The following MAGI3 variants were observed in gnomAD, a reference collection of about 807,000 sequenced individuals.
MAGI3 encodes the protein membrane-associated guanylate kinase, WW and PDZ domain-containing protein 3.
In MAGI3, 43 loss-of-function variants were observed where a neutral mutation model predicts 121.8. The ratio of observed to expected loss-of-function variants is 0.35; its 90% CI spans 0.28 to 0.46. The LOEUF (loss-of-function observed/expected upper bound fraction) is 0.46. Among genes scored for constraint, MAGI3 ranks in the 20% least tolerant of loss-of-function variants. The pLI, the probability that MAGI3 is intolerant of heterozygous loss-of-function variation, is 1.00. For synonymous variants in MAGI3, 553 were observed against 639.3 expected (o/e 0.86, Z 2.04); for missense variants, 1,547 against 1,797.3 (o/e 0.86, Z 2.52).
intron 20 of MAGI3, 84 bp downstream of exon 20, chr1:113,681,420 T>G: frequency 3.2e-5 from 45 of 1,390,120 alleles, no homozygotes; most frequent in South Asian, 4.2e-5. Flanking sequence ...TTGGAGAGGA[T>G]AGATATTTTA....
intron 1 of MAGI3, among the ~76,000 whole-genome samples, chr1:113,395,344 A>G (rs966056297): frequency 6.6e-6 from 1 of 151,628 alleles, no homozygotes; most frequent in Admixed American, 6.6e-5. Context: ...TTACATTTTG[A>G]TAAACCTTGA....
intron 19 of MAGI3, among the ~76,000 whole-genome samples, chr1:113,673,809 C>T (rs566718131): frequency 1.8e-4 from 28 of 152,226 alleles, no homozygotes; most frequent in African/African-American, 5.3e-4. Context: ...CTTGAGAAAG[C>T]GAGGATCAAA....
At chr1:113,452,781 G>A (rs1654549315) in intron 1 of MAGI3, among the ~76,000 whole-genome samples, 1 of 152,174 alleles carries the variant, frequency 6.6e-6, no homozygotes, top group Non-Finnish European at 1.5e-5. Flanking sequence ...GGAGATTAAA[G>A]TAGGATGAGG....
At chr1:113,435,293 A>G (rs1179040956) in intron 1 of MAGI3, among the ~76,000 whole-genome samples, 1 of 152,104 alleles carries the variant, frequency 6.6e-6, no homozygotes, top group Non-Finnish European at 1.5e-5. Flanking sequence ...TTCACCAAAG[A>G]TGATTATTTT....
chr1:113,634,261 T>C (rs1223905952), intron 9 of MAGI3, among the ~76,000 whole-genome samples: 1 of 151,488 alleles, frequency 6.6e-6, no homozygotes, highest in African/African-American at 2.4e-5. Flanking sequence ...TTTGTCAATT[T>C]TGGCTTTTGT....
intron 6 of MAGI3, among the ~76,000 whole-genome samples, chr1:113,595,475 G>A (rs1190439777): frequency 1.3e-5 from 2 of 152,048 alleles, no homozygotes; most frequent in East Asian, 3.9e-4. Flanking sequence ...AAAATAAGTG[G>A]CGTAAAATGA....
intron 4 of MAGI3, among the ~76,000 whole-genome samples, chr1:113,587,503 C>T (rs139835726): frequency 1.8e-4 from 28 of 152,178 alleles, no homozygotes; most frequent in Middle Eastern, 6.8e-3. Context: ...GCCTGTGTAT[C>T]GCTTTGGAAT....
At chr1:113,672,930 C>A (rs1390829844) in intron 18 of MAGI3, among the ~76,000 whole-genome samples, 189 bp downstream of exon 18, 1 of 152,156 alleles carries the variant, frequency 6.6e-6, no homozygotes, top group East Asian at 1.9e-4. Context: ...AAAAGTTTCC[C>A]CTACAGCAGG....
At chr1:113,418,914 C>T (rs1345755159) in intron 1 of MAGI3, among the ~76,000 whole-genome samples, 2 of 152,022 alleles carry the variant, frequency 1.3e-5, no homozygotes, top group African/African-American at 4.8e-5. Context: ...GTGAATTTTA[C>T]AGGAACAATA....
At chr1:113,679,869 C>A (rs914669555) in intron 19 of MAGI3, among the ~76,000 whole-genome samples, 1 of 152,072 alleles carries the variant, frequency 6.6e-6, no homozygotes, top group Non-Finnish European at 1.5e-5. Context: ...CCACACCTGG[C>A]CAATTTTGTA....
At chr1:113,449,403 C>T (rs577617726) in intron 1 of MAGI3, among the ~76,000 whole-genome samples, 1 of 138,336 alleles carries the variant, frequency 7.2e-6, no homozygotes, top group East Asian at 2.5e-4. Context: ...GAGAGAGAGG[C>T]TTCAATCCTT....
chr1:113,489,780 A>T (rs952395277), intron 1 of MAGI3, among the ~76,000 whole-genome samples: 4 of 152,074 alleles, frequency 2.6e-5, no homozygotes, highest in Non-Finnish European at 5.9e-5. Flanking sequence ...GACCAAGCAG[A>T]GGAAGGAATC....
At chr1:113,479,483 C>T (rs548732858) in intron 1 of MAGI3, among the ~76,000 whole-genome samples, 2 of 152,176 alleles carry the variant, frequency 1.3e-5, no homozygotes, top group Non-Finnish European at 2.9e-5. Context: ...GTCTTAAAAT[C>T]GTTCCCTTGT....
intron 1 of MAGI3, among the ~76,000 whole-genome samples, chr1:113,544,481 G>A (rs577326163): frequency 1.3e-5 from 2 of 152,322 alleles, no homozygotes; most frequent in South Asian, 4.1e-4. Context: ...GTGATTTCAA[G>A]GCTAGAGAGT....
At position 113,669,366 on chromosome 1, in the gene MAGI3, GAC is replaced by G. The variant is rs535348407; in HGVS notation, c.2816-2364_2816-2363del. Among the ~76,000 whole-genome samples, 55 of 152,286 alleles carry G rather than the reference GAC, an allele frequency of 3.6e-4. No homozygotes were observed. In the South Asian group the frequency reaches 0.011, roughly 31 times the overall value. On this transcript the variant is annotated intron_variant, in intron 16 of 20. Coordinates refer to ENST00000307546, the MANE Select transcript of MAGI3 (RefSeq NM_001142782.2). ...GAGAGACAGGTGTTCTGCCAGCTCT[GAC>G]ACAATGTGGGAAATGCTGTGAGAAC... is the stretch of plus-strand genomic sequence containing the variant.
At chr1:113,537,976 T>G (rs920998241) in intron 1 of MAGI3, among the ~76,000 whole-genome samples, 2 of 152,240 alleles carry the variant, frequency 1.3e-5, no homozygotes, top group African/African-American at 4.8e-5. Context: ...AGATTACTTT[T>G]GATGTATAAT....
chr1:113,583,969 T>C (rs959098738), intron 3 of MAGI3, among the ~76,000 whole-genome samples: 1 of 152,224 alleles, frequency 6.6e-6, no homozygotes, highest in African/African-American at 2.4e-5. Context: ...TCATGTTAAA[T>C]GTTTTCCCCC....
At chr1:113,449,258 G>A (rs1451498396) in intron 1 of MAGI3, among the ~76,000 whole-genome samples, 2 of 152,020 alleles carry the variant, frequency 1.3e-5, no homozygotes, top group Non-Finnish European at 2.9e-5. Context: ...TGAGAATGAC[G>A]TCACAGTGGA....
intron 16 of MAGI3, among the ~76,000 whole-genome samples, chr1:113,665,589 T>G (rs1193671661): frequency 6.6e-6 from 1 of 152,134 alleles, no homozygotes; most frequent in Non-Finnish European, 1.5e-5. Context: ...TAAATATATA[T>G]GTGTGTATGT....
Sources: allele counts gnomAD v4.1 joint callset (sites outside exome capture counted in the v4.1 genomes callset), GRCh38; gene constraint gnomAD v4.1.1; transcripts MANE v1.5; gene names NCBI Gene and HGNC (gene_info 2026-07-23, HGNC 2026-07-21).